The following ADARB2 variants were observed in gnomAD, a reference collection of about 807,000 sequenced individuals.
The protein encoded by ADARB2 is adenosine deaminase RNA specific B2 (inactive), also known as inactive double-stranded RNA-specific editase B2.
In ADARB2, 25 loss-of-function variants were observed where a neutral mutation model predicts 62.2. The observed-to-expected ratio is 0.40, with a 90% confidence interval of 0.29 to 0.56. The LOEUF (loss-of-function observed/expected upper bound fraction) is 0.56, where lower values mean the gene tolerates loss of function less well. ADARB2 is among the 20% of genes least tolerant of loss of function. The probability of loss-of-function intolerance (pLI) is 0.43; values close to 1 mark genes in which losing one functional copy is unlikely to be tolerated. For missense variants in ADARB2, 1,071 were observed against 1,077.4 expected, an observed-to-expected ratio of 0.99 and a Z score of 0.08; for synonymous variants, 572 against 500.8, an observed-to-expected ratio of 1.14 and a Z score of -1.90.
In ADARB2 at chr10:1,683,421, C is replaced by A. The variant is rs923165913; in HGVS notation, c.100+53630G>T. 2.6e-5 allele frequency among the ~76,000 whole-genome samples: 4 copies of A among 152,258 alleles called. 1 individual carries two copies. Among genetic ancestry groups the A allele is most frequent in the Admixed American group, 1.3e-4 (2 of 15,296 alleles). On this transcript the variant is annotated intron_variant, in intron 1 of 9. Coordinates refer to ENST00000381312, the MANE Select transcript of ADARB2 (RefSeq NM_018702.4). ...AAAACTTCTTAATTTATTCGAAAGG[C>A]AGAAGAAGTAGTGAGCTCGAAAGAT...
intron 1 of ADARB2, among the ~76,000 whole-genome samples, chr10:1,651,861 G>A (rs1488596747): frequency 3.9e-5 from 6 of 151,986 alleles, no homozygotes; most frequent in Non-Finnish European, 8.8e-5. Flanking sequence ...ACGACCCAGG[G>A]TTGGTTCCCA....
chr10:1,510,120 CTTTCTTTCTT>C (rs1564312534), intron 1 of ADARB2, among the ~76,000 whole-genome samples: 376 of 113,258 alleles, frequency 3.3e-3, no homozygotes, highest in African/African-American at 0.011. Context: ...CTCTTTCTTT[CTTTCTTTCTT>C]TCTTTCTTTC....
At chr10:1,619,357 A>G (rs1197715974) in intron 1 of ADARB2, among the ~76,000 whole-genome samples, 1 of 152,062 alleles carries the variant, frequency 6.6e-6, no homozygotes, top group Non-Finnish European at 1.5e-5. Context: ...CATTTGCTGT[A>G]TTATTTATTG....
chr10:1,596,395 G>C (rs931538194), intron 1 of ADARB2, among the ~76,000 whole-genome samples: 1 of 152,212 alleles, frequency 6.6e-6, no homozygotes, highest in African/African-American at 2.4e-5. Context: ...CTCCCTGTAA[G>C]CATTACTGCT....
intron 3 of ADARB2, among the ~76,000 whole-genome samples, chr10:1,321,335 G>A (rs1243353430): frequency 2.6e-5 from 4 of 152,118 alleles, no homozygotes; most frequent in Admixed American, 2.0e-4. Flanking sequence ...GAGAGCAAAG[G>A]TGACTGCACT....
chr10:1,267,746 G>A (rs1467886390), intron 4 of ADARB2, among the ~76,000 whole-genome samples: 29 of 152,230 alleles, frequency 1.9e-4, no homozygotes. Flanking sequence ...GGTGGAGGCG[G>A]AGCCTCTGCG....
intron 1 of ADARB2, among the ~76,000 whole-genome samples, chr10:1,705,389 G>C (rs1488807798): frequency 6.6e-6 from 1 of 152,152 alleles, no homozygotes; most frequent in Admixed American, 6.5e-5. Flanking sequence ...AGGGGTCCTG[G>C]GGGACCGGAG....
At chr10:1,286,905 G>T (rs1254296590) in intron 3 of ADARB2, among the ~76,000 whole-genome samples, 1 of 152,144 alleles carries the variant, frequency 6.6e-6, no homozygotes, top group Non-Finnish European at 1.5e-5. Context: ...AGCTGCTGTT[G>T]TTATTGCCAT....
chr10:1,186,068 C>T (rs1324805458), intron 8 of ADARB2, among the ~76,000 whole-genome samples: 1 of 152,186 alleles, frequency 6.6e-6, no homozygotes, highest in Non-Finnish European at 1.5e-5. Context: ...CTGAGGATTC[C>T]AAAACATGAG....
chr10:1,363,080 A>G lies in ADARB2; in HGVS notation c.1025T>C (p.Ile342Thr). 1 of 1,474,550 alleles carries G rather than the reference A, an allele frequency of 6.8e-7. No individual in the cohort carries two copies. Among genetic ancestry groups the G allele is most frequent in the African/African-American group, 1.5e-5 (1 of 68,588 alleles). 91.3% of individuals were successfully genotyped at this position (1,474,550 alleles called of 1,614,324 possible). A position where few individuals can be genotyped will look rare whatever the true frequency, so the allele number is the denominator to read the frequency against. ...GCCGGGCGCGTGGCCGGGCATCTGG[A>G]TGTCGAACAGCTCCTGCAGTGCGGC... Reference protein sequence around the residue: ...AQAALQELFDIQMPGHAPGRA... With the variant: ...AQAALQELFDTQMPGHAPGRA... Residue 342 changes from isoleucine (I) to threonine (T), a missense_variant, in exon 3 of 10, where the codon ATC becomes ACC. Coordinates refer to ENST00000381312, the MANE Select transcript of ADARB2 (RefSeq NM_018702.4).
Position 1,540,686 on chromosome 10 carries a change from A to AC in ADARB2, c.101-161527dup, listed in dbSNP as rs200602858. 6.0e-3 allele frequency among the ~76,000 whole-genome samples: 561 copies of AC among 93,224 alleles called. 12 individuals carry two copies. The highest frequency in any genetic ancestry group is 0.022 in the African/African-American group (524 of 23,818). The allele number at this position is 93,224 out of a possible 152,430, so 61.2% of individuals were successfully genotyped here. A position where few individuals can be genotyped will look rare whatever the true frequency, so the allele number is the denominator to read the frequency against. ...TGGACCCTGGATCACAGCCGTCCAGACCCCACTCAGACGCAGTTCGGACTC... is the reference window on the plus strand; with the variant it reads ...TGGACCCTGGATCACAGCCGTCCAGACCCCCACTCAGACGCAGTTCGGACTC... On this transcript the variant is annotated intron_variant, in intron 1 of 9. Coordinates refer to ENST00000381312, the MANE Select transcript of ADARB2 (RefSeq NM_018702.4).
At chr10:1,462,295 C>A (rs1353664425) in intron 1 of ADARB2, among the ~76,000 whole-genome samples, 1 of 152,172 alleles carries the variant, frequency 6.6e-6, no homozygotes, top group African/African-American at 2.4e-5. Flanking sequence ...CCAAGTGTCC[C>A]CAGCAAGCCC....
At chr10:1,353,125 A>G (rs1048977753) in intron 3 of ADARB2, among the ~76,000 whole-genome samples, 4 of 152,088 alleles carry the variant, frequency 2.6e-5, no homozygotes, top group African/African-American at 4.8e-5. Context: ...TTCCCTACAC[A>G]TCAAGCACGG....
chr10:1,358,206 C>T (rs531019660), intron 3 of ADARB2, among the ~76,000 whole-genome samples: 8 of 152,284 alleles, frequency 5.3e-5, no homozygotes, highest in South Asian at 4.2e-4. Context: ...GATTCAGCTG[C>T]GTATTTCTTG....
At chr10:1,532,143 C>T (rs750978490) in intron 1 of ADARB2, among the ~76,000 whole-genome samples, 13 of 152,250 alleles carry the variant, frequency 8.5e-5, no homozygotes, top group Non-Finnish European at 1.6e-4. Flanking sequence ...TGTATCAGCC[C>T]GCACCATTCC....
chr10:1,308,222 C>T (rs2131821409), intron 3 of ADARB2, among the ~76,000 whole-genome samples: 1 of 152,334 alleles, frequency 6.6e-6, no homozygotes, highest in Admixed American at 6.5e-5. Context: ...CCACTGTCTC[C>T]ATGGTCTTGC....
intron 1 of ADARB2, among the ~76,000 whole-genome samples, chr10:1,557,626 G>A (rs1359598666): frequency 1.3e-5 from 2 of 152,172 alleles, no homozygotes; most frequent in East Asian, 1.9e-4. Context: ...CTTCCGGGCC[G>A]GGTGCAGTGG....
At chr10:1,606,407 A>C (rs182344495) in intron 1 of ADARB2, among the ~76,000 whole-genome samples, 1 of 152,162 alleles carries the variant, frequency 6.6e-6, no homozygotes, top group Admixed American at 6.5e-5. Context: ...CTCTCTACGC[A>C]AGCAGGTGAG....
intron 6 of ADARB2, among the ~76,000 whole-genome samples, chr10:1,226,549 C>A (rs1019911212): frequency 6.6e-6 from 1 of 152,048 alleles, no homozygotes; most frequent in African/African-American, 2.4e-5. Context: ...TTTTATCTAC[C>A]TTTGGTCTTT....
Sources: gnomAD v4.1 joint callset for allele counts (sites outside exome capture counted in the v4.1 genomes callset) on GRCh38, gnomAD v4.1.1 for gene constraint, MANE v1.5 for transcripts, NCBI Gene and HGNC (gene_info 2026-07-23, HGNC 2026-07-21) for gene names.